PTCHD4: variants seen among roughly 807,000 people sequenced by gnomAD.
The protein encoded by PTCHD4 is patched domain containing 4.
Under a neutral mutation model 58.1 loss-of-function variants are expected in PTCHD4, and 33 were observed. The ratio of observed to expected loss-of-function variants is 0.57; its 90% CI spans 0.43 to 0.76. PTCHD4 has a LOEUF of 0.76. Ranked by LOEUF, PTCHD4 falls within the 30% of genes least tolerant of loss-of-function variation. PTCHD4 has a pLI of 0.00. For missense variants in PTCHD4, 1,058 were observed against 1,027.1 expected, an observed-to-expected ratio of 1.03 and a Z score of -0.41; for synonymous variants, 478 against 409.6, an observed-to-expected ratio of 1.17 and a Z score of -2.02.
chr6:48,076,803 A>C (rs1765071198), intron 1 of PTCHD4, among the ~76,000 whole-genome samples: 1 of 152,238 alleles, frequency 6.6e-6, no homozygotes, highest in Non-Finnish European at 1.5e-5. Flanking sequence ...TGGAGAAAAA[A>C]GGTAAAGTTA....
intron 1 of PTCHD4, among the ~76,000 whole-genome samples, chr6:48,079,980 T>TG (rs1451058412): frequency 1.9e-4 from 19 of 99,320 alleles, no homozygotes; most frequent in African/African-American, 6.9e-4. Flanking sequence ...ATTTTTTTTT[T>TG]TTTTTTTTTT....
intron 4 of PTCHD4, among the ~76,000 whole-genome samples, chr6:47,968,730 T>C (rs926220837): frequency 3.3e-5 from 5 of 152,144 alleles, no homozygotes; most frequent in Non-Finnish European, 7.4e-5. Context: ...GGAAAATATG[T>C]CTTGGAAACC....
Position 47,871,735 on chromosome 6 carries a change from C to T in PTCHD4, c.*6568G>A, listed in dbSNP as rs1162824224. 6.6e-6 allele frequency among the ~76,000 whole-genome samples: 1 copy of T among 151,426 alleles called. No homozygotes were observed. The highest frequency in any genetic ancestry group is 1.5e-5 in the Non-Finnish European group (1 of 67,678). ...TGCATGCCATTTTGTCTTTAAATAC[C>T]CTTATGAGGTAGCTTGGAGAGATCT... On this transcript the variant is annotated 3_prime_UTR_variant, in exon 5 of 5. Coordinates refer to ENST00000339488, the MANE Select transcript of PTCHD4 (RefSeq NM_001384253.1).
In PTCHD4 at chr6:47,866,198, A is replaced by G; in HGVS notation, c.*12105T>C. Reference sequence around the variant, plus strand: ...TTGTCTTGTGACTTTTTAAAACTTCACTTAATAAAAGGCTCTATCAGTATT... The same window carrying G: ...TTGTCTTGTGACTTTTTAAAACTTCGCTTAATAAAAGGCTCTATCAGTATT... On this transcript the variant is annotated 3_prime_UTR_variant, in exon 5 of 5. Transcript: ENST00000339488. Among the ~76,000 whole-genome samples, 1 of 151,896 alleles carries G rather than the reference A, an allele frequency of 6.6e-6. No individual in the cohort carries two copies. Among genetic ancestry groups the G allele is most frequent in the Non-Finnish European group, 1.5e-5 (1 of 67,908 alleles).
intron 4 of PTCHD4, among the ~76,000 whole-genome samples, chr6:47,988,038 A>C (rs1768137708): frequency 6.6e-6 from 1 of 152,152 alleles, no homozygotes; most frequent in Non-Finnish European, 1.5e-5. Flanking sequence ...TGGCCTCCCA[A>C]GGTGTTGGGT....
At chr6:48,083,944 C>T (rs570167111) in intron 1 of PTCHD4, among the ~76,000 whole-genome samples, 29 of 152,172 alleles carry the variant, frequency 1.9e-4, no homozygotes, top group Admixed American at 5.9e-4. Context: ...CTCAGTTAAG[C>T]CACATTATAC....
At chr6:48,014,044 A>T (rs1214574862) in intron 3 of PTCHD4, among the ~76,000 whole-genome samples, 1 of 152,154 alleles carries the variant, frequency 6.6e-6, no homozygotes, top group Non-Finnish European at 1.5e-5. Flanking sequence ...ACAAAAAAAA[A>T]GTTTATAAAA....
At chr6:47,949,618 A>G (rs1377758304) in intron 4 of PTCHD4, among the ~76,000 whole-genome samples, 1 of 152,112 alleles carries the variant, frequency 6.6e-6, no homozygotes, top group Non-Finnish European at 1.5e-5. Context: ...GGTCACAGAT[A>G]CTATCAAGCA....
At chr6:48,099,942 A>G (rs1415344987) in intron 1 of PTCHD4, among the ~76,000 whole-genome samples, 1 of 152,230 alleles carries the variant, frequency 6.6e-6, no homozygotes, top group Non-Finnish European at 1.5e-5. Context: ...TACTGGCCAT[A>G]TTAATGAAAC....
chr6:47,911,614 C>T (rs1249280290), intron 4 of PTCHD4, among the ~76,000 whole-genome samples: 7 of 152,032 alleles, frequency 4.6e-5, no homozygotes, highest in African/African-American at 1.7e-4. Context: ...ATGACATTGA[C>T]TGAATTGGTA....
intron 3 of PTCHD4, among the ~76,000 whole-genome samples, chr6:48,011,397 C>T (rs1762667127): frequency 6.6e-6 from 1 of 151,756 alleles, no homozygotes; most frequent in Non-Finnish European, 1.5e-5. Flanking sequence ...AGTGTCTGCT[C>T]ATATCCTTTG....
At position 47,875,667 on chromosome 6, in the gene PTCHD4, C is replaced by T. The variant is rs754565488; in HGVS notation, c.*2636G>A. ...TCTTAGACACTTTGATCCTTGAAGA[C>T]ATAAACTAAAAAAGAACTGTTTTTC... On this transcript the variant is annotated 3_prime_UTR_variant, in exon 5 of 5. Coordinates refer to ENST00000339488, the MANE Select transcript of PTCHD4 (RefSeq NM_001384253.1). 4.0e-5 allele frequency among the ~76,000 whole-genome samples: 6 copies of T among 151,786 alleles called. No individual in the cohort carries two copies. Among genetic ancestry groups the T allele is most frequent in the Non-Finnish European group, 8.8e-5 (6 of 67,868 alleles).
chr6:48,063,236 T>C (rs1228848958), intron 3 of PTCHD4, among the ~76,000 whole-genome samples: 1 of 152,076 alleles, frequency 6.6e-6, no homozygotes, highest in Non-Finnish European at 1.5e-5. Flanking sequence ...ATATTAAAGA[T>C]GAAATCCTGT....
chr6:48,071,035 A>G (rs1308210779), intron 1 of PTCHD4, among the ~76,000 whole-genome samples: 2 of 152,244 alleles, frequency 1.3e-5, no homozygotes, highest in African/African-American at 2.4e-5. Flanking sequence ...AGGACACTAG[A>G]AATGACAGAG....
intron 4 of PTCHD4, among the ~76,000 whole-genome samples, chr6:47,967,375 T>G (rs529680087): frequency 6.6e-6 from 1 of 152,320 alleles, no homozygotes; most frequent in African/African-American, 2.4e-5. Context: ...GTTACCTTTA[T>G]AGAGCATGGG....
chr6:48,071,957 G>A (rs554648374), intron 1 of PTCHD4, among the ~76,000 whole-genome samples: 78 of 152,280 alleles, frequency 5.1e-4, no homozygotes, highest in African/African-American at 1.6e-3. Flanking sequence ...AGAACAGAAA[G>A]GTAAAGTGCC....
chr6:47,976,350 C>T (rs1448098116), intron 4 of PTCHD4, among the ~76,000 whole-genome samples: 16 of 152,052 alleles, frequency 1.1e-4, no homozygotes, highest in Non-Finnish European at 1.6e-4. Context: ...GAGGCATTTA[C>T]GTTACAGAAA....
rs536627884 is a variant in PTCHD4 at position 47,978,271 on chromosome 6, C to T, written c.898+30363G>A. ...CATTTCTCCTAATATTAGTCCAACA[C>T]TACTACTATTACTGCTACTCACAGT... On this transcript the variant is annotated intron_variant, in intron 4 of 4. Coordinates refer to ENST00000339488, the MANE Select transcript of PTCHD4 (RefSeq NM_001384253.1). Among the ~76,000 whole-genome samples, 7 of 152,210 alleles carry T rather than the reference C, an allele frequency of 4.6e-5. No individual in the cohort carries two copies. The East Asian group carries it at 5.8e-4, about 13-fold the overall frequency.
intron 3 of PTCHD4, among the ~76,000 whole-genome samples, chr6:48,048,384 G>A (rs1381492140): frequency 1.3e-5 from 2 of 151,884 alleles, no homozygotes; most frequent in African/African-American, 2.4e-5. Flanking sequence ...ATATTTTTTA[G>A]AAAGTTCAAA....
Sources: gnomAD v4.1 joint callset for allele counts (sites outside exome capture counted in the v4.1 genomes callset) on GRCh38, gnomAD v4.1.1 for gene constraint, MANE v1.5 for transcripts, NCBI Gene and HGNC (gene_info 2026-07-23, HGNC 2026-07-21) for gene names.